PDE11A: variants seen among roughly 807,000 people sequenced by gnomAD.
PDE11A encodes dual 3',5'-cyclic-AMP and -GMP phosphodiesterase 11A.
Under a neutral mutation model 100.5 loss-of-function variants are expected in PDE11A, and 100 were observed. The ratio of observed to expected loss-of-function variants is 1.00; its 90% CI spans 0.85 to 1.18. The LOEUF (loss-of-function observed/expected upper bound fraction) is 1.18. Ranked by LOEUF, PDE11A falls within the 50% of genes most tolerant of loss-of-function variation. The pLI, the probability that PDE11A is intolerant of heterozygous loss-of-function variation, is 0.00. For missense variants in PDE11A, 1,141 were observed against 1,152.6 expected (o/e 0.99, Z 0.15); for synonymous variants, 381 against 420.8 (o/e 0.91, Z 1.16).
intron 16 of PDE11A, among the ~76,000 whole-genome samples, chr2:177,680,241 A>C (rs1035307645): frequency 6.6e-6 from 1 of 152,094 alleles, no homozygotes; most frequent in Non-Finnish European, 1.5e-5. Context: ...AGAGAGTAGA[A>C]GGATGGGGTA....
intron 2 of PDE11A, among the ~76,000 whole-genome samples, chr2:178,002,068 C>A (rs575468236): frequency 1.3e-5 from 2 of 152,240 alleles, no homozygotes; most frequent in South Asian, 4.1e-4. Flanking sequence ...GCCCCTCTCC[C>A]TCCCTTCCCC....
At chr2:177,662,091 A>C (rs1369505288) in intron 19 of PDE11A, among the ~76,000 whole-genome samples, 1 of 152,234 alleles carries the variant, frequency 6.6e-6, no homozygotes, top group Non-Finnish European at 1.5e-5. Context: ...TAAATTCTAG[A>C]AACTGCTATT....
At chr2:177,956,402 A>G (rs1411593938) in intron 2 of PDE11A, among the ~76,000 whole-genome samples, 1 of 152,228 alleles carries the variant, frequency 6.6e-6, no homozygotes, top group Non-Finnish European at 1.5e-5. Context: ...TTAAAAAGTC[A>G]GGAAACAACA....
At chr2:177,630,444 C>T (rs1376493782) in intron 19 of PDE11A, among the ~76,000 whole-genome samples, 1 of 152,168 alleles carries the variant, frequency 6.6e-6, no homozygotes, top group East Asian at 1.9e-4. Context: ...AGTCCATCTT[C>T]AGCTTTCATA....
chr2:177,944,680 A>G (rs1036982994), intron 2 of PDE11A, among the ~76,000 whole-genome samples: 1 of 152,196 alleles, frequency 6.6e-6, no homozygotes. Flanking sequence ...AGCTACGACT[A>G]CCAGGTACCT....
At chr2:177,730,804 C>A (rs1164352511) in intron 10 of PDE11A, among the ~76,000 whole-genome samples, 2 of 152,112 alleles carry the variant, frequency 1.3e-5, no homozygotes, top group South Asian at 2.1e-4. Context: ...GTTTTAGTCT[C>A]TCCTTTTTTA....
intron 10 of PDE11A, among the ~76,000 whole-genome samples, chr2:177,739,155 G>A (rs1274844093): frequency 6.6e-6 from 1 of 152,178 alleles, no homozygotes; most frequent in African/African-American, 2.4e-5. Flanking sequence ...AAGGGAACTG[G>A]AGGCTCAACT....
At chr2:177,671,526 AAAG>A (rs1312408103) in intron 17 of PDE11A, among the ~76,000 whole-genome samples, 3 of 152,102 alleles carry the variant, frequency 2.0e-5, no homozygotes, top group African/African-American at 7.2e-5. Flanking sequence ...AATATTTTTT[AAAG>A]AAGGGCCTAT....
At chr2:177,642,441 C>A (rs1026241574) in intron 19 of PDE11A, among the ~76,000 whole-genome samples, 12 of 152,190 alleles carry the variant, frequency 7.9e-5, no homozygotes, top group African/African-American at 2.9e-4. Context: ...CAGCTGAGTT[C>A]TTCTCAGACT....
At chr2:177,971,915 A>T (rs1343282824) in intron 2 of PDE11A, among the ~76,000 whole-genome samples, 1 of 152,200 alleles carries the variant, frequency 6.6e-6, no homozygotes, top group Non-Finnish European at 1.5e-5. Context: ...CCCAGTAGTG[A>T]CTTTCCATTG....
chr2:178,014,242 G>A, intron 2 of PDE11A, 60 bp downstream of exon 2: 1 of 1,275,460 alleles, frequency 7.8e-7, no homozygotes, highest in Admixed American at 1.7e-5. Flanking sequence ...TCTTTTAAAG[G>A]AGAATAGCAA....
At chr2:177,763,334 G>C (rs1484101379) in intron 10 of PDE11A, among the ~76,000 whole-genome samples, 1 of 152,190 alleles carries the variant, frequency 6.6e-6, no homozygotes, top group Non-Finnish European at 1.5e-5. Context: ...AGACAGCATA[G>C]GCTAGGTAAC....
chr2:177,812,522 A>G (rs563712125), intron 9 of PDE11A, among the ~76,000 whole-genome samples: 59 of 152,268 alleles, frequency 3.9e-4, no homozygotes, highest in Non-Finnish European at 4.1e-4. Flanking sequence ...GTAAAGAAAT[A>G]TACTTGAATA....
At chr2:177,723,587 A>T (rs1364411747) in intron 12 of PDE11A, among the ~76,000 whole-genome samples, 1 of 152,150 alleles carries the variant, frequency 6.6e-6, no homozygotes, top group African/African-American at 2.4e-5. Flanking sequence ...AAGCAATAAT[A>T]GTTGTTCACC....
rs943999433 is a variant in PDE11A, at chr2:178,089,654, C to G, written c.162+14648G>C. ...ACAGAGACCAAGGTCAGGGCCTAGT[C>G]GAGAAGACAGTTTAGAGGAGCCTGA... On this transcript the variant is annotated intron_variant, in intron 2 of 20. Transcript: ENST00000358450. 2.0e-5 allele frequency among the ~76,000 whole-genome samples: 3 copies of G among 152,316 alleles called. No homozygotes were observed. In the South Asian group the frequency reaches 6.2e-4, roughly 32 times the overall value.
chr2:177,828,738 G>C (rs539634227), intron 6 of PDE11A, among the ~76,000 whole-genome samples: 1 of 152,308 alleles, frequency 6.6e-6, no homozygotes, highest in East Asian at 1.9e-4. Context: ...AGTGTGGCTT[G>C]CATAGTATGA....
intron 2 of PDE11A, among the ~76,000 whole-genome samples, chr2:177,962,080 A>T (rs2105790341): frequency 6.6e-6 from 1 of 151,452 alleles, no homozygotes; most frequent in South Asian, 2.1e-4. Context: ...AAAAAAAAAA[A>T]AAGTTTGTCT....
chr2:177,839,489 C>A (rs985588334), intron 6 of PDE11A, among the ~76,000 whole-genome samples: 2 of 152,160 alleles, frequency 1.3e-5, no homozygotes, highest in Admixed American at 6.5e-5. Context: ...TCTTAACATG[C>A]CTTTCAAAGT....
At chr2:178,065,935 A>G (rs987417037) in intron 1 of PDE11A, among the ~76,000 whole-genome samples, 6 of 151,860 alleles carry the variant, frequency 4.0e-5, no homozygotes, top group African/African-American at 1.4e-4. Context: ...GAAGTACTAA[A>G]TATTGTTATT....
Sources: gnomAD v4.1 joint callset for allele counts (sites outside exome capture counted in the v4.1 genomes callset) on GRCh38, gnomAD v4.1.1 for gene constraint, MANE v1.5 for transcripts, NCBI Gene and HGNC (gene_info 2026-07-23, HGNC 2026-07-21) for gene names.